Variants in TMEM132C observed in about 807,000 individuals in gnomAD.
TMEM132C encodes protein phosphatase 1, regulatory subunit 152.
In TMEM132C, 29 loss-of-function variants were observed where a neutral mutation model predicts 61.4. That is an observed-to-expected ratio of 0.47 (90% CI 0.35 to 0.64). The LOEUF (loss-of-function observed/expected upper bound fraction) is 0.64. Among genes scored for constraint, TMEM132C ranks in the 30% least tolerant of loss-of-function variants. The pLI, the probability that TMEM132C is intolerant of heterozygous loss-of-function variation, is 0.00. For synonymous variants in TMEM132C, 656 were observed against 633.1 expected (o/e 1.04, Z -0.54); for missense variants, 1,408 against 1,476.9 (o/e 0.95, Z 0.76).
intron 3 of TMEM132C, among the ~76,000 whole-genome samples, chr12:128,555,293 G>A (rs1470076488): frequency 2.0e-5 from 3 of 152,192 alleles, no homozygotes; most frequent in Non-Finnish European, 4.4e-5. Context: ...ACAGGAACGT[G>A]CTCATAGCTG....
At chr12:128,551,552 C>A (rs1874176661) in intron 3 of TMEM132C, among the ~76,000 whole-genome samples, 1 of 152,162 alleles carries the variant, frequency 6.6e-6, no homozygotes, top group Non-Finnish European at 1.5e-5. Context: ...GGTGCGAGGC[C>A]AACAGAGCAA....
intron 2 of TMEM132C, among the ~76,000 whole-genome samples, chr12:128,433,852 C>T (rs1334970187): frequency 6.6e-6 from 1 of 152,234 alleles, no homozygotes; most frequent in African/African-American, 2.4e-5. Flanking sequence ...GCAAAAGGGC[C>T]ATAGCCCCCA....
intron 1 of TMEM132C, among the ~76,000 whole-genome samples, chr12:128,366,751 C>T (rs1267036397): frequency 6.6e-6 from 1 of 152,144 alleles, no homozygotes; most frequent in African/African-American, 2.4e-5. Context: ...GTTGTAAGAC[C>T]CCTTCCAGCT....
Position 128,557,504 on chromosome 12 carries a change from G to C in TMEM132C, c.1121+13401G>C, listed in dbSNP as rs114996833. On this transcript the variant is annotated intron_variant, in intron 3 of 8. Coordinates refer to ENST00000435159, the MANE Select transcript of TMEM132C (RefSeq NM_001136103.3). ...ATTTCAGAACTAATGTCTCGCCTTA[G>C]AGACCCTGCCTTACCAAGAGGCACA... Among the ~76,000 whole-genome samples, 499 of 152,288 alleles carry C rather than the reference G, an allele frequency of 3.3e-3. 3 individuals carry two copies. Among genetic ancestry groups the C allele is most frequent in the African/African-American group, 0.011 (461 of 41,566 alleles).
chr12:128,360,150 T>C (rs1424763920), intron 1 of TMEM132C, among the ~76,000 whole-genome samples: 1 of 152,064 alleles, frequency 6.6e-6, no homozygotes, highest in East Asian at 1.9e-4. Context: ...TGATTGCTCT[T>C]GCAGCTCTGT....
At chr12:128,658,316 G>A (rs966137814) in intron 4 of TMEM132C, among the ~76,000 whole-genome samples, 5 of 152,228 alleles carry the variant, frequency 3.3e-5, no homozygotes, top group Non-Finnish European at 7.3e-5. Flanking sequence ...TCTGAATGCT[G>A]AGAGCTGGAC....
At chr12:128,532,335 T>A (rs984578514) in intron 2 of TMEM132C, among the ~76,000 whole-genome samples, 2 of 151,906 alleles carry the variant, frequency 1.3e-5, no homozygotes, top group Non-Finnish European at 1.5e-5. Context: ...AACAATAACT[T>A]TTCTAAAGAA....
chr12:128,623,815 A>G (rs560840738), intron 4 of TMEM132C, among the ~76,000 whole-genome samples: 1 of 152,308 alleles, frequency 6.6e-6, no homozygotes, highest in Admixed American at 6.5e-5. Context: ...CTCAAAAAAA[A>G]AAATGATGAT....
Position 128,471,275 on chromosome 12 carries a change from A to G in TMEM132C, c.974+55655A>G, listed in dbSNP as rs138599312. 2.8e-4 allele frequency among the ~76,000 whole-genome samples: 43 copies of G among 152,326 alleles called. No individual in the cohort carries two copies. The East Asian group carries it at 7.3e-3, about 26-fold the overall frequency. The stretch of plus-strand genomic sequence containing the variant: ...GAAAATCGCCCTCAGTGGACAACTT[A>G]TATTTTAAATTCTCGCCATTGTTTT... On this transcript the variant is annotated intron_variant, in intron 2 of 8. Coordinates refer to ENST00000435159, the MANE Select transcript of TMEM132C (RefSeq NM_001136103.3).
At chr12:128,458,285 T>A (rs1870415896) in intron 2 of TMEM132C, among the ~76,000 whole-genome samples, 1 of 46,432 alleles carries the variant, frequency 2.2e-5, no homozygotes, top group African/African-American at 8.2e-5. Flanking sequence ...TAATATTTAG[T>A]ATTGTAATTA....
intron 4 of TMEM132C, among the ~76,000 whole-genome samples, chr12:128,664,167 C>T (rs61940593): frequency 2.0e-3 from 222 of 112,244 alleles, no homozygotes; most frequent in Middle Eastern, 5.5e-3. Flanking sequence ...CACAGGCACA[C>T]GCACCCACAC....
chr12:128,433,814 G>A (rs1347788652), intron 2 of TMEM132C, among the ~76,000 whole-genome samples: 2 of 152,222 alleles, frequency 1.3e-5, no homozygotes, highest in South Asian at 4.1e-4. Context: ...TGGAAGGACA[G>A]TAGTGGGAAT....
intron 2 of TMEM132C, among the ~76,000 whole-genome samples, chr12:128,493,919 T>A (rs1440953317): frequency 6.6e-6 from 1 of 152,198 alleles, no homozygotes; most frequent in Non-Finnish European, 1.5e-5. Context: ...GGCATCCCTG[T>A]CTTGTGCCAG....
intron 4 of TMEM132C, among the ~76,000 whole-genome samples, chr12:128,636,379 T>C (rs1377818204): frequency 6.6e-6 from 1 of 152,154 alleles, no homozygotes; most frequent in African/African-American, 2.4e-5. Context: ...AATAACTTTA[T>C]TGAGGTATAA....
At chr12:128,530,788 T>C (rs1024168887) in intron 2 of TMEM132C, among the ~76,000 whole-genome samples, 3 of 152,226 alleles carry the variant, frequency 2.0e-5, no homozygotes, top group Non-Finnish European at 4.4e-5. Flanking sequence ...TCCATGTAAA[T>C]GTAAATGCAT....
chr12:128,340,736 C>CCTTT (rs921452522), intron 1 of TMEM132C, among the ~76,000 whole-genome samples: 1 of 148,584 alleles, frequency 6.7e-6, no homozygotes, highest in South Asian at 2.1e-4. Context: ...TTCCTTCCTT[C>CCTTT]CTTTCTTTTT....
At chr12:128,489,577 A>ATATATATATATATG (rs1343838203) in intron 2 of TMEM132C, among the ~76,000 whole-genome samples, 231 of 150,094 alleles carry the variant, frequency 1.5e-3, no homozygotes, top group Non-Finnish European at 3.0e-3. Context: ...ATATATATAT[A>ATATATATATATATG]TATATTCTGT....
At chr12:128,681,980 C>A (rs1390759023) in intron 5 of TMEM132C, among the ~76,000 whole-genome samples, 1 of 152,016 alleles carries the variant, frequency 6.6e-6, no homozygotes, top group Admixed American at 6.6e-5. Flanking sequence ...CAGATGGTAT[C>A]TTTACAGGTA....
At chr12:128,370,581 G>C (rs929289048) in intron 1 of TMEM132C, among the ~76,000 whole-genome samples, 4 of 151,772 alleles carry the variant, frequency 2.6e-5, no homozygotes, top group Non-Finnish European at 4.4e-5. Flanking sequence ...GATGCAGAGG[G>C]AAGTGGCCAC....
Sources: allele counts gnomAD v4.1 joint callset (sites outside exome capture counted in the v4.1 genomes callset), GRCh38; gene constraint gnomAD v4.1.1; transcripts MANE v1.5; gene names NCBI Gene and HGNC (gene_info 2026-07-23, HGNC 2026-07-21).